Variants in POC1B observed in about 807,000 individuals in gnomAD.
POC1B encodes POC1 centriolar protein B.
POC1B carries 44 observed loss-of-function variants against 60.6 expected under a neutral mutation model. That is an observed-to-expected ratio of 0.73 (90% CI 0.57 to 0.93). The LOEUF is 0.93. POC1B is among the 40% of genes least tolerant of loss of function. POC1B has a pLI of 0.00. For missense variants in POC1B, 555 were observed against 572.3 expected (o/e 0.97, Z 0.31); for synonymous variants, 180 against 198.9 (o/e 0.90, Z 0.80).
downstream of POC1B, among the ~76,000 whole-genome samples, chr12:89,415,702 T>G (rs1483774460): frequency 6.6e-6 from 1 of 152,152 alleles, no homozygotes; most frequent in Non-Finnish European, 1.5e-5. Flanking sequence ...TATTGATCAC[T>G]TACTCCGTGA....
At chr12:89,524,404 A>C (rs766060100) in intron 2 of POC1B, 13 of 1,613,860 alleles carry the variant, frequency 8.1e-6, no homozygotes, top group Non-Finnish European at 1.1e-5. Context: ...GAGGTCTGAG[A>C]GCCTTCTTGA....
chr12:89,481,028 G>A (rs1022360569), intron 4 of POC1B, among the ~76,000 whole-genome samples: 7 of 151,760 alleles, frequency 4.6e-5, no homozygotes, highest in African/African-American at 1.7e-4. Flanking sequence ...GAGCCACCTG[G>A]CCCTAATTGT....
chr12:89,443,450 C>CA (rs1217797343), intron 10 of POC1B, among the ~76,000 whole-genome samples: 3 of 152,106 alleles, frequency 2.0e-5, no homozygotes, highest in Non-Finnish European at 4.4e-5. Context: ...TTAAGAAACT[C>CA]ACTCAAAACC....
intron 2 of POC1B, among the ~76,000 whole-genome samples, chr12:89,497,966 A>G (rs1380549629): frequency 6.6e-6 from 1 of 152,172 alleles, no homozygotes; most frequent in Non-Finnish European, 1.5e-5. Flanking sequence ...TTCCTGAACC[A>G]TTTAGGAGTA....
the POC1B span, among the ~76,000 whole-genome samples, chr12:89,412,676 CA>C: frequency 0.64 from 88,437 of 138,954 alleles, 27,017 homozygotes; most frequent in African/African-American, 0.74. Context: ...GACTCCGTCT[CA>C]AAAAAAAAAA....
chr12:89,463,904 AAGG>A (rs1337223660), intron 9 of POC1B, among the ~76,000 whole-genome samples: 1 of 152,224 alleles, frequency 6.6e-6, no homozygotes, highest in Non-Finnish European at 1.5e-5. Flanking sequence ...TGAAGCGCTT[AAGG>A]CTAGCAAAGG....
At chr12:89,503,736 T>G (rs1398139871) in intron 2 of POC1B, among the ~76,000 whole-genome samples, 1 of 126,816 alleles carries the variant, frequency 7.9e-6, no homozygotes, top group African/African-American at 3.1e-5. Context: ...CCGCCCCGTC[T>G]GAGAAGTGAG....
downstream of POC1B, among the ~76,000 whole-genome samples, chr12:89,417,001 T>C (rs915030592): frequency 1.3e-5 from 2 of 152,224 alleles, no homozygotes; most frequent in East Asian, 1.9e-4. Flanking sequence ...TCTTTCCACA[T>C]AGTAGTTTTT....
rs752644030 is a variant in POC1B at position 89,467,661 on chromosome 12, A to G, written c.835T>C (p.Ser279Pro). 4 of 1,612,106 alleles carry G rather than the reference A, an allele frequency of 2.5e-6. No individual in the cohort carries two copies. In the Admixed American group the frequency reaches 5.0e-5, roughly 20 times the overall value. Residue 279 changes from serine (S) to proline (P), a missense_variant, in exon 8 of 12, where the codon TCA (serine) becomes CCA (proline). Physicochemically the swap from Ser to Pro is moderately conservative, Grantham distance 74 (BLOSUM62 -1). Coordinates refer to ENST00000313546, the MANE Select transcript of POC1B (RefSeq NM_172240.3). Reference sequence around the variant, plus strand: ...GATGCAAATAGCTCTCCACCTTTTGAAAATGAAACAGTAAAGACAGGTCCC... The same window carrying G: ...GATGCAAATAGCTCTCCACCTTTTGGAAATGAAACAGTAAAGACAGGTCCC... ...HTGPVFTVSFSKGGELFASGG... is the reference protein window; with the variant it reads ...HTGPVFTVSFPKGGELFASGG...
intron 2 of POC1B, among the ~76,000 whole-genome samples, chr12:89,505,570 G>A (rs1181620824): frequency 3.3e-5 from 5 of 152,212 alleles, no homozygotes; most frequent in African/African-American, 1.2e-4. Flanking sequence ...CAGGGAGGGA[G>A]TATAGTGGCT....
rs562449149 is a variant in POC1B at position 89,463,648 on chromosome 12, T to C, written c.1032+3122A>G. 2.0e-5 allele frequency among the ~76,000 whole-genome samples: 3 copies of C among 152,286 alleles called. No individual in the cohort carries two copies. In the East Asian group the frequency reaches 5.8e-4, roughly 29 times the overall value. On this transcript the variant is annotated intron_variant, in intron 9 of 11. Transcript: ENST00000313546. ...TCTCATGTTTTTAATTAAGATGGAG[T>C]GCCTAGGCCAGGAGTACTACGAAGG...
Position 89,509,093 on chromosome 12 carries a change from C to A in POC1B, c.101-11751G>T, listed in dbSNP as rs74995443. On this transcript the variant is annotated intron_variant, in intron 2 of 11. Transcript: ENST00000313546. ...TTCTAACCCATCATTCTATGATTTA[C>A]TACTTAATTGATGTTTAATTAGTAA... 8.7e-3 allele frequency among the ~76,000 whole-genome samples: 1,327 copies of A among 152,262 alleles called. 21 individuals are homozygous for A. The highest frequency in any genetic ancestry group is 0.031 in the African/African-American group (1,279 of 41,532).
intron 9 of POC1B, among the ~76,000 whole-genome samples, chr12:89,464,828 A>T (rs1882626079): frequency 6.6e-6 from 1 of 151,376 alleles, no homozygotes; most frequent in Non-Finnish European, 1.5e-5. Context: ...AGAAACAATT[A>T]CAACAATTGG....
chr12:89,407,203 T>C, the POC1B span, among the ~76,000 whole-genome samples: 1 of 150,528 alleles, frequency 6.6e-6, no homozygotes, highest in Non-Finnish European at 1.5e-5. Context: ...TCACTTGATA[T>C]TGATTTTTCT....
intron 2 of POC1B, among the ~76,000 whole-genome samples, chr12:89,503,487 T>G (rs1592633653): frequency 6.6e-6 from 1 of 152,168 alleles, no homozygotes; most frequent in South Asian, 2.1e-4. Context: ...CCCAGCCGCC[T>G]GCCTTGGCCT....
downstream of POC1B, among the ~76,000 whole-genome samples, chr12:89,415,878 G>A (rs1342137929): frequency 2.6e-5 from 4 of 151,884 alleles, no homozygotes; most frequent in South Asian, 2.1e-4. Context: ...GACTGTCTAC[G>A]TAACTGCTGA....
chr12:89,502,265 T>G (rs1393813531), intron 2 of POC1B: 3 of 1,511,162 alleles, frequency 2.0e-6, no homozygotes, highest in Non-Finnish European at 2.7e-6. Flanking sequence ...ACTAAAGTGA[T>G]ACCAAAGAAC....
At chr12:89,506,163 G>C (rs1302385635) in intron 2 of POC1B, among the ~76,000 whole-genome samples, 1 of 152,212 alleles carries the variant, frequency 6.6e-6, no homozygotes, top group African/African-American at 2.4e-5. Flanking sequence ...GGTTCTGACT[G>C]TACAGTGTGG....
At chr12:89,406,451 G>A in the POC1B span, among the ~76,000 whole-genome samples, 1 of 151,948 alleles carries the variant, frequency 6.6e-6, no homozygotes, top group Non-Finnish European at 1.5e-5. Context: ...AGGCTCTATG[G>A]TTTTGGAAAG....
Sources: gnomAD v4.1 joint callset for allele counts (sites outside exome capture counted in the v4.1 genomes callset) on GRCh38, gnomAD v4.1.1 for gene constraint, MANE v1.5 for transcripts, NCBI Gene and HGNC (gene_info 2026-07-23, HGNC 2026-07-21) for gene names.